The following CENPP variants were observed in gnomAD, a reference collection of about 807,000 sequenced individuals.
The protein encoded by CENPP is centromere protein P.
A neutral mutation model predicts 35.6 loss-of-function variants in CENPP; 24 were observed. The observed-to-expected ratio is 0.67, with a 90% confidence interval of 0.49 to 0.95. CENPP has a LOEUF of 0.95. Among genes scored for constraint, CENPP ranks in the 40% least tolerant of loss-of-function variants. The pLI, the probability that CENPP is intolerant of heterozygous loss-of-function variation, is 0.00. For synonymous variants in CENPP, 120 were observed against 125.5 expected, an observed-to-expected ratio of 0.96 and a Z score of 0.29; for missense variants, 332 against 345.3, an observed-to-expected ratio of 0.96 and a Z score of 0.31.
chr9:92,541,500 GCAGGTGCCTGC>G (rs1849320511), intron 5 of CENPP, among the ~76,000 whole-genome samples: 1 of 146,914 alleles, frequency 6.8e-6, no homozygotes, highest in South Asian at 2.2e-4. Flanking sequence ...AGCTGGGATT[GCAGGTGCCTGC>G]CACTGTGCCT....
intron 5 of CENPP, among the ~76,000 whole-genome samples, chr9:92,453,933 AATT>A (rs1844795028): frequency 1.3e-5 from 2 of 152,124 alleles, no homozygotes; most frequent in African/African-American, 2.4e-5. Context: ...CAGCCTGGAC[AATT>A]TGTGGAAAGA....
rs528435937 is a variant in CENPP, at chr9:92,539,918, C to T, written c.565-71396C>T. 3.8e-4 allele frequency among the ~76,000 whole-genome samples: 58 copies of T among 152,140 alleles called. 1 individual carries two copies. The Middle Eastern group carries it at 0.01, about 27-fold the overall frequency. On this transcript the variant is annotated intron_variant, in intron 5 of 7. Coordinates refer to ENST00000375587, the MANE Select transcript of CENPP (RefSeq NM_001012267.3). Reference sequence around the variant, plus strand: ...AGAATGGGCTTTTTGAGTTTGTGTACGCATTTCCAGGTTGCTTTCCAAAAA... The same window carrying T: ...AGAATGGGCTTTTTGAGTTTGTGTATGCATTTCCAGGTTGCTTTCCAAAAA...
chr9:92,611,381 C>A lies in CENPP; in HGVS notation c.632C>A (p.Ala211Asp), dbSNP rs61735742. Reference protein sequence around the residue: ...PSSCSMGIRSASRPGFELVIV... With the variant: ...PSSCSMGIRSDSRPGFELVIV... ...TCCTGCTCCATGGGGATCCGCAGCGCCAGCCGGCCAGGGTGAGCCTGCACA... is the reference window on the plus strand; with the variant it reads ...TCCTGCTCCATGGGGATCCGCAGCGACAGCCGGCCAGGGTGAGCCTGCACA... Residue 211 changes from alanine to aspartate, a missense_variant, in exon 6 of 8, where the codon GCC (alanine) becomes GAC (aspartate). Ala to Asp is a moderately radical substitution (Grantham distance 126, BLOSUM62 -2). Transcript: ENST00000375587. The A allele has an allele frequency of 1.6e-3, 2,514 of 1,613,052 alleles. 44 individuals carry two copies. The African/African-American group carries it at 0.03, about 19-fold the overall frequency.
intron 4 of CENPP, among the ~76,000 whole-genome samples, chr9:92,370,889 G>A (rs1201902762): frequency 1.3e-5 from 2 of 152,094 alleles, no homozygotes; most frequent in Non-Finnish European, 2.9e-5. Context: ...AGGTTTTACA[G>A]CTTGTCCTTA....
At chr9:92,329,553 G>T (rs1279474833) in intron 1 of CENPP, among the ~76,000 whole-genome samples, 2 of 151,368 alleles carry the variant, frequency 1.3e-5, no homozygotes, top group East Asian at 3.9e-4. Context: ...TTTGTTTTTT[G>T]AGAGAGGGTC....
At chr9:92,515,228 A>G (rs1277501981) in intron 5 of CENPP, 23 of 1,497,748 alleles carry the variant, frequency 1.5e-5, no homozygotes, top group Admixed American at 2.4e-5. Context: ...AGGATGAGGT[A>G]GCAGAGATAA....
chr9:92,450,090 TTTATTA>T (rs971076403), intron 5 of CENPP, among the ~76,000 whole-genome samples: 2 of 151,144 alleles, frequency 1.3e-5, no homozygotes, highest in Non-Finnish European at 3.0e-5. Flanking sequence ...ATTCTTTCTT[TTTATTA>T]TTATTATTAT....
chr9:92,457,785 C>T (rs1333189692), intron 5 of CENPP, among the ~76,000 whole-genome samples: 1 of 152,146 alleles, frequency 6.6e-6, no homozygotes, highest in East Asian at 1.9e-4. Flanking sequence ...TAGATACATA[C>T]ATACGTACAT....
chr9:92,583,335 A>G (rs1331274685), intron 5 of CENPP, among the ~76,000 whole-genome samples: 1 of 152,218 alleles, frequency 6.6e-6, no homozygotes, highest in African/African-American at 2.4e-5. Context: ...TTCAGTCAAC[A>G]TGCATTTATC....
chr9:92,586,058 T>C (rs1850532169), intron 5 of CENPP, among the ~76,000 whole-genome samples: 1 of 152,200 alleles, frequency 6.6e-6, no homozygotes, highest in Non-Finnish European at 1.5e-5. Flanking sequence ...TTTTTTTCTC[T>C]TTTTGAGACA....
intron 5 of CENPP, among the ~76,000 whole-genome samples, chr9:92,555,301 C>A (rs1487510781): frequency 7.1e-6 from 1 of 140,950 alleles, no homozygotes; most frequent in Admixed American, 7.9e-5. Context: ...GATCTCAGCT[C>A]ACCACACCTC....
Position 92,449,437 on chromosome 9 carries a change from C to CAAAAAAAAAAAAAAAAAA in CENPP, c.564+69602_564+69619dup, listed in dbSNP as rs56218626. Among the ~76,000 whole-genome samples, 6 of 54,958 alleles carry CAAAAAAAAAAAAAAAAAA rather than the reference C, an allele frequency of 1.1e-4. 1 individual carries two copies. Among genetic ancestry groups the CAAAAAAAAAAAAAAAAAA allele is most frequent in the Non-Finnish European group, 2.0e-4 (6 of 29,574 alleles). The allele number at this position is 54,958 out of a possible 152,430, so 36.1% of individuals were successfully genotyped here. On this transcript the variant is annotated intron_variant, in intron 5 of 7. Transcript: ENST00000375587. ...TGGGTGATGAGCGAGACTCTATCTC[C>CAAAAAAAAAAAAAAAAAA]AAAAAAAAAAAAAAAAAAAAAAAAA... is the stretch of plus-strand genomic sequence containing the variant.
chr9:92,397,575 C>T (rs1842941328), intron 5 of CENPP, among the ~76,000 whole-genome samples: 1 of 152,152 alleles, frequency 6.6e-6, no homozygotes, highest in Admixed American at 6.5e-5. Flanking sequence ...GGTGGTCCAC[C>T]CGCCTTGGCC....
intron 5 of CENPP, among the ~76,000 whole-genome samples, chr9:92,584,894 G>A (rs1161955889): frequency 3.3e-5 from 5 of 152,050 alleles, no homozygotes; most frequent in African/African-American, 1.2e-4. Context: ...GTACATTCAT[G>A]AATTCAGCAA....
At chr9:92,372,498 A>T (rs779476528) in intron 4 of CENPP, among the ~76,000 whole-genome samples, 5 of 151,628 alleles carry the variant, frequency 3.3e-5, no homozygotes, top group Non-Finnish European at 5.9e-5. Context: ...TGTTTGAATT[A>T]TTTTCTTGCT....
At chr9:92,385,566 G>T in intron 5 of CENPP, 1 of 1,481,310 alleles carries the variant, frequency 6.8e-7, no homozygotes, top group Non-Finnish European at 9.4e-7. Context: ...ACTCATTGTT[G>T]AGACAGACTA....
intron 5 of CENPP, chr9:92,417,555 C>A: frequency 6.4e-7 from 1 of 1,557,808 alleles, no homozygotes; most frequent in South Asian, 1.2e-5. Context: ...CTTAAAAAAC[C>A]CATCTTCTTT....
chr9:92,392,041 A>C lies in CENPP; in HGVS notation c.564+12182A>C, dbSNP rs184194283. On this transcript the variant is annotated intron_variant, in intron 5 of 7. Transcript: ENST00000375587. ...TGTGATTTTTTTCAGAACTCTTGAC[A>C]ATATTAGGAGTCTAGAAAACTGACA... Among the ~76,000 whole-genome samples, 5 of 152,062 alleles carry C rather than the reference A, an allele frequency of 3.3e-5. No individual in the cohort carries two copies. In the East Asian group the frequency reaches 9.7e-4, roughly 30 times the overall value.
intron 5 of CENPP, chr9:92,416,633 T>A: frequency 6.4e-7 from 1 of 1,551,534 alleles, no homozygotes; most frequent in Non-Finnish European, 8.7e-7. Flanking sequence ...TATTTCATTA[T>A]TTTGTAGGTA....
Sources: allele counts gnomAD v4.1 joint callset (sites outside exome capture counted in the v4.1 genomes callset), GRCh38; gene constraint gnomAD v4.1.1; transcripts MANE v1.5; gene names NCBI Gene and HGNC (gene_info 2026-07-23, HGNC 2026-07-21).